Variants in NXPE2 observed in about 807,000 individuals in gnomAD.
The protein encoded by NXPE2 is neurexophilin and PC-esterase domain family member 2.
A neutral mutation model predicts 34.4 loss-of-function variants in NXPE2; 34 were observed. The ratio of observed to expected loss-of-function variants is 0.99; its 90% CI spans 0.75 to 1.31. The LOEUF is 1.31. Ranked by LOEUF, NXPE2 falls within the 40% of genes most tolerant of loss-of-function variation. The probability of loss-of-function intolerance (pLI) is 0.00; values close to 1 mark genes in which losing one functional copy is unlikely to be tolerated. For synonymous variants in NXPE2, 235 were observed against 231.3 expected, an observed-to-expected ratio of 1.02 and a Z score of -0.15; for missense variants, 649 against 672.5, an observed-to-expected ratio of 0.97 and a Z score of 0.39.
the NXPE2 span, among the ~76,000 whole-genome samples, chr11:114,578,727 T>C: frequency 2.6e-5 from 4 of 152,112 alleles, no homozygotes; most frequent in Non-Finnish European, 4.4e-5. Flanking sequence ...GGGTAGACAA[T>C]AATGGTTTTG....
At chr11:114,522,593 A>C in the NXPE2 span, 1 of 1,054,776 alleles carries the variant, frequency 9.5e-7, no homozygotes, top group Non-Finnish European at 1.3e-6. Context: ...TACCCACCCT[A>C]CCTAGATAAT....
the NXPE2 span, among the ~76,000 whole-genome samples, chr11:114,568,247 A>C: frequency 6.6e-6 from 1 of 152,128 alleles, no homozygotes; most frequent in Admixed American, 6.6e-5. Flanking sequence ...TCTGTGCTAA[A>C]ATTATAGTGC....
the NXPE2 span, among the ~76,000 whole-genome samples, chr11:114,567,505 G>GA: frequency 6.6e-6 from 1 of 151,726 alleles, no homozygotes; most frequent in African/African-American, 2.4e-5. Flanking sequence ...CTTCTTTCAA[G>GA]TTTTTTTTGG....
the NXPE2 span, chr11:114,529,478 G>A: frequency 6.6e-6 from 1 of 152,220 alleles, no homozygotes; most frequent in Non-Finnish European, 1.5e-5. Flanking sequence ...CTGTGAGTCG[G>A]GGGAGAAAAG....
At chr11:114,533,359 GT>G in the NXPE2 span, among the ~76,000 whole-genome samples, 1 of 152,200 alleles carries the variant, frequency 6.6e-6, no homozygotes, top group East Asian at 1.9e-4. Flanking sequence ...CCCAGCATGA[GT>G]GATGCAGAAG....
chr11:114,804,956 TTA>T, the NXPE2 span, among the ~76,000 whole-genome samples: 323 of 152,310 alleles, frequency 2.1e-3, 5 homozygotes, highest in Admixed American at 0.019. Context: ...GTAATTTCCC[TTA>T]TGAAACTCCC....
the NXPE2 span, chr11:114,584,512 TC>T: frequency 5.6e-6 from 1 of 177,006 alleles, no homozygotes; most frequent in African/African-American, 2.4e-5. Context: ...GAGGAAGAGT[TC>T]TTCGACTCTG....
the NXPE2 span, among the ~76,000 whole-genome samples, chr11:114,514,459 G>A: frequency 2.0e-5 from 3 of 151,972 alleles, no homozygotes; most frequent in Non-Finnish European, 4.4e-5. Context: ...ACACAATCAT[G>A]TCTCACTGCA....
chr11:114,634,304 A>C, the NXPE2 span, among the ~76,000 whole-genome samples: 1 of 151,468 alleles, frequency 6.6e-6, no homozygotes, highest in African/African-American at 2.4e-5. Context: ...ACTTTTTGAT[A>C]GAGTTGTTTG....
chr11:114,648,948 C>CAAA, the NXPE2 span, among the ~76,000 whole-genome samples: 13 of 151,830 alleles, frequency 8.6e-5, no homozygotes, highest in African/African-American at 2.2e-4. Flanking sequence ...TAAGAGGAAA[C>CAAA]AAAAAAATAT....
At chr11:114,662,751 G>A in the NXPE2 span, among the ~76,000 whole-genome samples, 1 of 152,108 alleles carries the variant, frequency 6.6e-6, no homozygotes, top group South Asian at 2.1e-4. Context: ...TGAGGCTGCC[G>A]TTCCAGGCCC....
the NXPE2 span, among the ~76,000 whole-genome samples, chr11:114,554,575 C>T: frequency 6.6e-6 from 1 of 152,110 alleles, no homozygotes; most frequent in Non-Finnish European, 1.5e-5. Flanking sequence ...AGTCAAATAG[C>T]ATTTTTTAAT....
the NXPE2 span, among the ~76,000 whole-genome samples, chr11:114,539,653 T>G: frequency 6.6e-6 from 1 of 152,148 alleles, no homozygotes; most frequent in Non-Finnish European, 1.5e-5. Flanking sequence ...GGAATCTGAT[T>G]AACTAATTCC....
At chr11:114,653,591 G>A in the NXPE2 span, among the ~76,000 whole-genome samples, 4 of 137,124 alleles carry the variant, frequency 2.9e-5, no homozygotes, top group Non-Finnish European at 4.6e-5. Flanking sequence ...GCAGTGGCAC[G>A]ATCTCGGCTC....
the NXPE2 span, among the ~76,000 whole-genome samples, chr11:114,654,614 C>T: frequency 1.4e-4 from 22 of 152,134 alleles, no homozygotes; most frequent in Non-Finnish European, 1.3e-4. Flanking sequence ...AGGATGATGG[C>T]TTCCAGCTTC....
the NXPE2 span, among the ~76,000 whole-genome samples, chr11:114,643,471 A>G: frequency 7.2e-5 from 11 of 152,090 alleles, no homozygotes; most frequent in Non-Finnish European, 1.0e-4. Context: ...AGTTTTCTGT[A>G]TATGGCTAGG....
the NXPE2 span, among the ~76,000 whole-genome samples, chr11:114,616,999 G>C: frequency 2.0e-5 from 3 of 150,928 alleles, no homozygotes; most frequent in Non-Finnish European, 4.4e-5. Context: ...GGTAACCACT[G>C]TTACCTGGTG....
At chr11:114,749,117 GT>G in the NXPE2 span, among the ~76,000 whole-genome samples, 1 of 152,082 alleles carries the variant, frequency 6.6e-6, no homozygotes, top group Non-Finnish European at 1.5e-5. Flanking sequence ...AAGAGTCCTG[GT>G]TCCTTTTAGT....
the NXPE2 span, among the ~76,000 whole-genome samples, chr11:114,491,918 C>T: frequency 2.4e-3 from 367 of 152,244 alleles, 6 homozygotes; most frequent in Admixed American, 0.013. Context: ...GACAAAAAAC[C>T]AAACACCGCA....
Sources: gnomAD v4.1 joint callset for allele counts (sites outside exome capture counted in the v4.1 genomes callset) on GRCh38, gnomAD v4.1.1 for gene constraint, MANE v1.5 for transcripts, NCBI Gene and HGNC (gene_info 2026-07-23, HGNC 2026-07-21) for gene names.